Variants in GATAD2B observed in about 807,000 individuals in gnomAD.
The protein encoded by GATAD2B is GATA zinc finger domain containing 2B.
GATAD2B carries 8 observed loss-of-function variants against 64.3 expected under a neutral mutation model. The ratio of observed to expected loss-of-function variants is 0.12; its 90% CI spans 0.07 to 0.22. The LOEUF is 0.22. GATAD2B is among the 10% of genes least tolerant of loss of function. The pLI is 1.00. For synonymous variants in GATAD2B, 281 were observed against 271.3 expected (o/e 1.04, Z -0.35); for missense variants, 453 against 752.0 (o/e 0.60, Z 4.65).
In GATAD2B at chr1:153,816,807, C is replaced by T. The variant is rs1403301109; in HGVS notation, c.901-219G>A. 2.6e-5 allele frequency among the ~76,000 whole-genome samples: 4 copies of T among 152,124 alleles called. No homozygotes were observed. Among genetic ancestry groups the T allele is most frequent in the Non-Finnish European group, 5.9e-5 (4 of 68,002 alleles). ...ATTGCTAAGAGAGAAATAAAGGCCA[C>T]GCGTGGTGGCTCACGCCTATAATCT... is the stretch of plus-strand genomic sequence containing the variant. On this transcript the variant is annotated intron_variant, in intron 6 of 10. Transcript: ENST00000368655. This position sits in a 1 kb window ranked among gnomAD's most constrained non-coding sequence, Gnocchi z 4.9.
chr1:153,914,227 C>CAAAAAAAAAA (rs759245034), intron 1 of GATAD2B, among the ~76,000 whole-genome samples: 4 of 65,984 alleles, frequency 6.1e-5, no homozygotes, highest in Admixed American at 1.9e-4. Flanking sequence ...CCCAGACTCT[C>CAAAAAAAAAA]AAAAAAAAAA....
chr1:153,896,390 A>C (rs1677594669), intron 1 of GATAD2B, among the ~76,000 whole-genome samples: 1 of 151,860 alleles, frequency 6.6e-6, no homozygotes. Context: ...GACCATAAAA[A>C]CAGAATGGCT....
intron 1 of GATAD2B, among the ~76,000 whole-genome samples, chr1:153,911,912 GAACAC>G (rs953405351): frequency 3.3e-5 from 5 of 152,024 alleles, no homozygotes; most frequent in Admixed American, 6.6e-5. Context: ...ACTGAATCTA[GAACAC>G]AACACAAAAG....
At chr1:153,824,254 T>C (rs75860520) in intron 2 of GATAD2B, among the ~76,000 whole-genome samples, 128,141 of 152,014 alleles carry the variant, frequency 0.84, 54,411 homozygotes, top group Admixed American at 0.9. Flanking sequence ...ACAGCCAATG[T>C]ACGTCAGCCT....
Position 153,813,328 on chromosome 1 carries a change from G to A in GATAD2B, c.1341C>T (p.Ser447=). 1 of 1,614,054 alleles carries A rather than the reference G, an allele frequency of 6.2e-7. No individual in the cohort carries two copies. Among genetic ancestry groups the A allele is most frequent in the Non-Finnish European group, 8.5e-7 (1 of 1,179,934 alleles). Residue 447 remains serine (S), a synonymous_variant, in exon 8 of 11, where the codon TCC becomes TCT. Coordinates refer to ENST00000368655, the MANE Select transcript of GATAD2B (RefSeq NM_020699.4). ...CAGCTTTTAGAGCCTTTTTCTGGTTGGAGGTCATACACTGCTCACATAGAA... is the reference window on the plus strand; with the variant it reads ...CAGCTTTTAGAGCCTTTTTCTGGTTAGAGGTCATACACTGCTCACATAGAA... The part of the protein sequence containing the change: ...GKILCEQCMT[S]NQKKALKAEH...
chr1:153,842,477 T>A (rs1675531579), intron 1 of GATAD2B, among the ~76,000 whole-genome samples: 1 of 152,220 alleles, frequency 6.6e-6, no homozygotes, highest in Non-Finnish European at 1.5e-5. Context: ...CCCTCTCTCC[T>A]CCTTCAGATG....
intron 1 of GATAD2B, among the ~76,000 whole-genome samples, chr1:153,903,422 A>T (rs1203799514): frequency 6.6e-6 from 1 of 152,204 alleles, no homozygotes; most frequent in African/African-American, 2.4e-5. Context: ...TTTCTGCCAT[A>T]GTTTGAGATT....
chr1:153,876,298 C>T (rs1393385703), intron 1 of GATAD2B, among the ~76,000 whole-genome samples: 1 of 113,202 alleles, frequency 8.8e-6, no homozygotes, highest in Non-Finnish European at 1.8e-5. Flanking sequence ...GTGGTTAAAA[C>T]ACAGGACTGT....
intron 1 of GATAD2B, among the ~76,000 whole-genome samples, chr1:153,889,117 T>C (rs1677275611): frequency 6.6e-6 from 1 of 152,094 alleles, no homozygotes; most frequent in Non-Finnish European, 1.5e-5. Context: ...TGAATTGCTA[T>C]GTTCAACAGG....
rs370101314 is a variant in GATAD2B, at chr1:153,837,523, G to A, written c.-1-9175C>T. ...GTGATGGTTGCAAAACAATGTGAATGTACTTAAATCCACTGAATTATATAC... is the reference window on the plus strand; with the variant it reads ...GTGATGGTTGCAAAACAATGTGAATATACTTAAATCCACTGAATTATATAC... On this transcript the variant is annotated intron_variant, in intron 1 of 10. Transcript: ENST00000368655. Among the ~76,000 whole-genome samples, 133 of 152,168 alleles carry A rather than the reference G, an allele frequency of 8.7e-4. 1 individual carries two copies. The highest frequency in any genetic ancestry group is 3.2e-3 in the African/African-American group (132 of 41,522).
rs1557833041 is a variant in GATAD2B, at chr1:153,908,799, A to AG, written c.-2+13933_-2+13934insC. Among the ~76,000 whole-genome samples the AG allele has an allele frequency of 5.3e-5, 8 of 149,658 alleles. No individual in the cohort carries two copies. In the East Asian group the frequency reaches 1.4e-3, roughly 25 times the overall value. ...CATACTTGGAAAAAAAAAAAAAAAA[A>AG]AAAGAAAGAAAGAAAGAAACAAGGT... On this transcript the variant is annotated intron_variant, in intron 1 of 10. Coordinates refer to ENST00000368655, the MANE Select transcript of GATAD2B (RefSeq NM_020699.4).
At chr1:153,821,873 A>G (rs1320546205) in intron 2 of GATAD2B, among the ~76,000 whole-genome samples, 1 of 151,180 alleles carries the variant, frequency 6.6e-6, no homozygotes, top group Non-Finnish European at 1.5e-5. Flanking sequence ...GCCTGAATTC[A>G]TTTTTAAAGC....
chr1:153,871,204 C>T (rs1221502321), intron 1 of GATAD2B, among the ~76,000 whole-genome samples: 1 of 152,118 alleles, frequency 6.6e-6, no homozygotes, highest in African/African-American at 2.4e-5. Flanking sequence ...GTAGCTGGGA[C>T]TACAGGTGAG....
In GATAD2B at chr1:153,868,443, T is replaced by C. The variant is rs568507745; in HGVS notation, c.-1-40095A>G. ...CATTCAATGTGCAGTGATGTTGTTC[T>C]AGTTAACAGCATGGGGGACGGGGTG... On this transcript the variant is annotated intron_variant, in intron 1 of 10. Transcript: ENST00000368655. Among the ~76,000 whole-genome samples, 9 of 149,936 alleles carry C rather than the reference T, an allele frequency of 6.0e-5. No homozygotes were observed. The South Asian group carries it at 1.9e-3, about 31-fold the overall frequency.
chr1:153,843,886 C>A (rs1430432298), intron 1 of GATAD2B, among the ~76,000 whole-genome samples: 1 of 148,156 alleles, frequency 6.7e-6, no homozygotes, highest in African/African-American at 2.5e-5. Context: ...CATCAGGCAA[C>A]AATGGACAGT....
rs1388703051 is a variant in GATAD2B at position 153,808,925 on chromosome 1, C to T, written c.*1252G>A. 2 of 151,966 alleles carry T rather than the reference C, an allele frequency of 1.3e-5. No homozygotes were observed. Among genetic ancestry groups the T allele is most frequent in the East Asian group, 3.9e-4 (2 of 5,186 alleles). The allele number at this position is 151,966 out of a possible 1,614,324, so 9.4% of individuals were successfully genotyped here. ...TTGCCATGAGCTGTTTGGCTTTGAG[C>T]AGTTGGTTCTGCAGCTGGTGCAGCA... On this transcript the variant is annotated 3_prime_UTR_variant, in exon 11 of 11. Transcript: ENST00000368655.
rs41306223 is a variant in GATAD2B at position 153,827,982 on chromosome 1, T to C, written c.335+31A>G. The C allele has an allele frequency of 4.8e-4, 728 of 1,531,494 alleles. No individual in the cohort carries two copies. The highest frequency in any genetic ancestry group is 5.9e-4 in the Non-Finnish European group (659 of 1,107,930). 94.9% of individuals were successfully genotyped at this position (1,531,494 alleles called of 1,614,324 possible). On this transcript the variant is annotated intron_variant, in intron 2 of 10. Transcript: ENST00000368655. ...TTTCACAGGCTTTATGAGACGACCC[T>C]ATCCCTGGAGGCAGCTGAACTGAGC...
chr1:153,833,723 T>C lies in GATAD2B; in HGVS notation c.-1-5375A>G, dbSNP rs935971681. 4.4e-5 allele frequency among the ~76,000 whole-genome samples: 6 copies of C among 137,314 alleles called. No homozygotes were observed. In the East Asian group the frequency reaches 6.5e-4, roughly 15 times the overall value. The allele number at this position is 137,314 out of a possible 152,430, so 90.1% of individuals were successfully genotyped here. ...TACATGGGAGGGTGAGGCAGGAGAA[T>C]AGCCTGAACCTGGGAGGGGGAGGTG... On this transcript the variant is annotated intron_variant, in intron 1 of 10. Coordinates refer to ENST00000368655, the MANE Select transcript of GATAD2B (RefSeq NM_020699.4).
intron 2 of GATAD2B, 51 bp from the exon 3 acceptor site, chr1:153,819,786 C>T: frequency 6.5e-7 from 1 of 1,533,834 alleles, no homozygotes; most frequent in East Asian, 2.3e-5. Flanking sequence ...GTTAAGAAAA[C>T]TTCTATGCTG....
Sources: gnomAD v4.1 joint callset for allele counts (sites outside exome capture counted in the v4.1 genomes callset) on GRCh38, gnomAD v4.1.1 for gene constraint, Gnocchi (gnomAD v3.1) non-coding constraint, MANE v1.5 for transcripts, NCBI Gene and HGNC (gene_info 2026-07-23, HGNC 2026-07-21) for gene names.